The following PRELID2 variants were observed in gnomAD, a reference collection of about 807,000 sequenced individuals.
PRELID2 encodes PRELI domain-containing protein 2.
PRELID2 carries 25 observed loss-of-function variants against 28.4 expected under a neutral mutation model. That is an observed-to-expected ratio of 0.88 (90% CI 0.64 to 1.23). The LOEUF (loss-of-function observed/expected upper bound fraction) is 1.23, where lower values mean the gene tolerates loss of function less well. Among genes scored for constraint, PRELID2 ranks in the 50% most tolerant of loss-of-function variants. The probability of loss-of-function intolerance (pLI) is 0.00; values close to 1 mark genes in which losing one functional copy is unlikely to be tolerated. For synonymous variants in PRELID2, 76 were observed against 71.6 expected (o/e 1.06, Z -0.31); for missense variants, 201 against 214.4 (o/e 0.94, Z 0.39).
the PRELID2 span, among the ~76,000 whole-genome samples, chr5:145,304,519 G>T: frequency 2.0e-5 from 3 of 152,024 alleles, no homozygotes; most frequent in African/African-American, 4.8e-5. Flanking sequence ...TTGAGGTGAG[G>T]TTAATCATTC....
chr5:145,649,686 T>C (rs758054014), intron 1 of PRELID2, among the ~76,000 whole-genome samples: 5 of 152,220 alleles, frequency 3.3e-5, no homozygotes, highest in Non-Finnish European at 7.4e-5. Flanking sequence ...CTGTTTAAAC[T>C]GTCCATTTAA....
intron 1 of PRELID2, among the ~76,000 whole-genome samples, chr5:145,646,619 G>C (rs1034238096): frequency 6.6e-6 from 1 of 152,106 alleles, no homozygotes. Flanking sequence ...AAGCCGTTCT[G>C]GTTTTTGGAA....
chr5:145,351,979 G>A, the PRELID2 span, among the ~76,000 whole-genome samples: 1 of 152,184 alleles, frequency 6.6e-6, no homozygotes, highest in Non-Finnish European at 1.5e-5. Context: ...ATGGCATTGG[G>A]CATCTCCACC....
At chr5:145,278,019 G>A in the PRELID2 span, among the ~76,000 whole-genome samples, 1 of 152,162 alleles carries the variant, frequency 6.6e-6, no homozygotes, top group Non-Finnish European at 1.5e-5. Flanking sequence ...TCTATTTCCA[G>A]CTGCCTTCTT....
intron 1 of PRELID2, among the ~76,000 whole-genome samples, chr5:145,641,313 T>A (rs1754102795): frequency 6.6e-6 from 1 of 151,232 alleles, no homozygotes; most frequent in Non-Finnish European, 1.5e-5. Context: ...AAGAGAGAAA[T>A]AGGTAAAAGA....
rs142890364 is a variant in PRELID2 at position 145,641,820 on chromosome 5, C to G, written n.70+123111G>C. Among the ~76,000 whole-genome samples, 78 of 152,338 alleles carry G rather than the reference C, an allele frequency of 5.1e-4. No homozygotes were observed. The East Asian group carries it at 0.013, about 25-fold the overall frequency. On this transcript the variant is annotated intron_variant and non_coding_transcript_variant, in intron 1 of 2. Coordinates refer to the PRELID2 transcript ENST00000510259. ...TGAGAATGACGGTTTCCAGCTTCAT[C>G]TATGTCCCTGCAAAGGACATGAACT... is the stretch of plus-strand genomic sequence containing the variant.
chr5:145,679,364 T>A (rs989126107), intron 1 of PRELID2, among the ~76,000 whole-genome samples: 6 of 152,232 alleles, frequency 3.9e-5, no homozygotes, highest in Non-Finnish European at 5.9e-5. Context: ...AGTTGAGATG[T>A]CATTGAGTCT....
the PRELID2 span, among the ~76,000 whole-genome samples, chr5:145,318,768 C>A: frequency 6.6e-6 from 1 of 152,190 alleles, no homozygotes; most frequent in Non-Finnish European, 1.5e-5. Context: ...TTAGCTCTAC[C>A]ATCCACAGAA....
chr5:145,449,874 A>G, the PRELID2 span, among the ~76,000 whole-genome samples: 1 of 152,094 alleles, frequency 6.6e-6, no homozygotes, highest in East Asian at 1.9e-4. Context: ...TGTATCTGCA[A>G]TGCCTAGAAC....
chr5:145,410,654 T>C, the PRELID2 span, among the ~76,000 whole-genome samples: 2 of 152,024 alleles, frequency 1.3e-5, no homozygotes, highest in African/African-American at 2.4e-5. Context: ...AAGAACAGCA[T>C]GGGGGAAACT....
chr5:145,229,403 G>C, the PRELID2 span: 1 of 754,288 alleles, frequency 1.3e-6, no homozygotes. Context: ...TGGAATCCTG[G>C]AGAACCCCAA....
chr5:145,237,470 T>C, the PRELID2 span, among the ~76,000 whole-genome samples: 33 of 152,164 alleles, frequency 2.2e-4, no homozygotes, highest in African/African-American at 7.2e-4. Flanking sequence ...ATGACAAGAA[T>C]GTTTGTGTAG....
chr5:145,595,173 C>CACATACACACACACACACACAT (rs752415508), intron 1 of PRELID2, among the ~76,000 whole-genome samples: 5 of 150,556 alleles, frequency 3.3e-5, no homozygotes, highest in East Asian at 3.9e-4. Context: ...CACACACACA[C>CACATACACACACACACACACAT]ACACACACAC....
intron 1 of PRELID2, among the ~76,000 whole-genome samples, chr5:145,603,926 A>G (rs1189194972): frequency 6.6e-6 from 1 of 152,116 alleles, no homozygotes; most frequent in Non-Finnish European, 1.5e-5. Context: ...GAATGATTAA[A>G]TAGAATAGTC....
At chr5:145,582,048 T>C (rs1192818092) in intron 1 of PRELID2, among the ~76,000 whole-genome samples, 1 of 152,062 alleles carries the variant, frequency 6.6e-6, no homozygotes, top group Admixed American at 6.6e-5. Context: ...TAATGAGTTG[T>C]GAGTGGTGCT....
chr5:145,344,452 A>C, the PRELID2 span, among the ~76,000 whole-genome samples: 1 of 152,080 alleles, frequency 6.6e-6, no homozygotes, highest in Non-Finnish European at 1.5e-5. Context: ...ATATATCATA[A>C]ATTATTGAAT....
intron 1 of PRELID2, among the ~76,000 whole-genome samples, chr5:145,476,704 C>T (rs1369395846): frequency 1.3e-5 from 2 of 151,820 alleles, no homozygotes; most frequent in South Asian, 2.1e-4. Context: ...ATGAGACTTG[C>T]AATTTTAAAA....
intron 1 of PRELID2, among the ~76,000 whole-genome samples, chr5:145,679,323 G>A (rs955077254): frequency 6.6e-6 from 1 of 152,144 alleles, no homozygotes; most frequent in Non-Finnish European, 1.5e-5. Context: ...TAGGAATCTG[G>A]AAACTTCTGC....
the PRELID2 span, among the ~76,000 whole-genome samples, chr5:145,392,850 G>C: frequency 6.6e-6 from 1 of 152,044 alleles, no homozygotes; most frequent in Non-Finnish European, 1.5e-5. Context: ...TTTCCATCTT[G>C]TCCTGCATTC....
Sources: gnomAD v4.1 joint callset for allele counts (sites outside exome capture counted in the v4.1 genomes callset) on GRCh38, gnomAD v4.1.1 for gene constraint, MANE v1.5 for transcripts, NCBI Gene and HGNC (gene_info 2026-07-23, HGNC 2026-07-21) for gene names.